The following TANC2 variants were observed in gnomAD, a reference collection of about 807,000 sequenced individuals.
TANC2 encodes protein TANC2.
In TANC2, 26 loss-of-function variants were observed where a neutral mutation model predicts 210.5. The ratio of observed to expected loss-of-function variants is 0.12; its 90% CI spans 0.09 to 0.17. TANC2 has a LOEUF of 0.17. Among genes scored for constraint, TANC2 ranks in the 10% least tolerant of loss-of-function variants. The probability of loss-of-function intolerance (pLI) is 1.00; values close to 1 mark genes in which losing one functional copy is unlikely to be tolerated. For synonymous variants in TANC2, 931 were observed against 967.1 expected, an observed-to-expected ratio of 0.96 and a Z score of 0.69; for missense variants, 2,129 against 2,608.9, an observed-to-expected ratio of 0.82 and a Z score of 4.01.
intron 2 of TANC2, among the ~76,000 whole-genome samples, chr17:63,027,194 A>G (rs934907861): frequency 1.3e-5 from 2 of 152,176 alleles, no homozygotes; most frequent in Non-Finnish European, 2.9e-5. Flanking sequence ...AAGTTAAACA[A>G]TTTAAACTGG....
intron 4 of TANC2, among the ~76,000 whole-genome samples, chr17:63,110,482 TCA>T (rs2037993558): frequency 6.6e-6 from 1 of 151,740 alleles, no homozygotes; most frequent in Admixed American, 6.5e-5. Flanking sequence ...ATCTATTTTC[TCA>T]CAGTTCTGGT....
chr17:63,052,576 A>G (rs1032022415), intron 2 of TANC2, among the ~76,000 whole-genome samples: 2 of 152,196 alleles, frequency 1.3e-5, no homozygotes, highest in Non-Finnish European at 2.9e-5. Flanking sequence ...GAATAGCTTG[A>G]TATAAGGGGT....
intron 5 of TANC2, among the ~76,000 whole-genome samples, chr17:63,180,077 C>T (rs2040728118): frequency 6.6e-6 from 1 of 151,570 alleles, no homozygotes; most frequent in African/African-American, 2.4e-5. Context: ...CCTGGGAGTT[C>T]GAGGCTGATC....
At chr17:63,385,193 T>A (rs1338574395) in intron 15 of TANC2, among the ~76,000 whole-genome samples, 1 of 152,248 alleles carries the variant, frequency 6.6e-6, no homozygotes, top group Non-Finnish European at 1.5e-5. Context: ...CTTTTTTTCC[T>A]TCAACCATCA....
At chr17:63,088,750 C>A (rs2037069594) in intron 3 of TANC2, 1 of 152,108 alleles carries the variant, frequency 6.6e-6, no homozygotes, top group Non-Finnish European at 1.5e-5. Flanking sequence ...GGTGTGAGAT[C>A]TCATGTAAGT....
At chr17:63,156,200 G>A (rs1177483453) in intron 5 of TANC2, among the ~76,000 whole-genome samples, 1 of 151,984 alleles carries the variant, frequency 6.6e-6, no homozygotes. Context: ...TATTGTGTTT[G>A]TATTCTGCTT....
chr17:63,020,590 A>T (rs1352410048), intron 2 of TANC2, among the ~76,000 whole-genome samples: 1 of 152,234 alleles, frequency 6.6e-6, no homozygotes, highest in African/African-American at 2.4e-5. Flanking sequence ...ATTAAGTACT[A>T]AGTATAGTAT....
At chr17:63,088,873 T>C (rs937676089) in intron 3 of TANC2, 1 of 152,166 alleles carries the variant, frequency 6.6e-6, no homozygotes, top group African/African-American at 2.4e-5. Flanking sequence ...CCGAAGGCTT[T>C]TGTAGAGTCT....
At chr17:63,382,082 G>A (rs560873540) in intron 15 of TANC2, among the ~76,000 whole-genome samples, 3 of 152,042 alleles carry the variant, frequency 2.0e-5, no homozygotes, top group African/African-American at 7.2e-5. Context: ...CTTTTCTCCC[G>A]TACTTCACAG....
intron 3 of TANC2, among the ~76,000 whole-genome samples, chr17:63,087,140 C>T (rs768192468): frequency 4.6e-5 from 7 of 152,322 alleles, no homozygotes; most frequent in Admixed American, 2.6e-4. Context: ...ACAAACCCAT[C>T]GGAAGGAACC....
chr17:63,200,355 C>CAAAAAAAAAAAAA (rs10598629), intron 6 of TANC2, among the ~76,000 whole-genome samples: 1 of 93,816 alleles, frequency 1.1e-5, no homozygotes, highest in Non-Finnish European at 2.1e-5. Flanking sequence ...AACTCTGTCT[C>CAAAAAAAAAAAAA]AAAAAAAAAA....
At chr17:63,417,723 A>C (rs1205225788) in intron 26 of TANC2, among the ~76,000 whole-genome samples, 1 of 152,156 alleles carries the variant, frequency 6.6e-6, no homozygotes, top group African/African-American at 2.4e-5. Context: ...TATGGATGAG[A>C]AAATACACTA....
At chr17:63,002,422 A>G (rs1000430100) in intron 1 of TANC2, among the ~76,000 whole-genome samples, 1 of 152,186 alleles carries the variant, frequency 6.6e-6, no homozygotes. Context: ...AATTCATCAC[A>G]TATCTGCCTC....
Position 63,162,303 on chromosome 17 carries a change from G to GAA in TANC2, c.433+10934_433+10935dup, listed in dbSNP as rs113042998. On this transcript the variant is annotated intron_variant, in intron 5 of 27. Transcript: ENST00000689528. ...TGGGTGAAGAACAAGACCCTGTCTGGAAAAAAAAAAAACAAAACTGAGGGT... is the reference window on the plus strand; with the variant it reads ...TGGGTGAAGAACAAGACCCTGTCTGGAAAAAAAAAAAAAACAAAACTGAGGGT... Among the ~76,000 whole-genome samples, 346 of 141,948 alleles carry GAA rather than the reference G, an allele frequency of 2.4e-3. 2 individuals are homozygous for GAA. The highest frequency in any genetic ancestry group is 4.7e-3 in the African/African-American group (182 of 38,824). The allele number at this position is 141,948 out of a possible 152,430, so 93.1% of individuals were successfully genotyped here.
chr17:63,208,557 T>G (rs2041792365), intron 7 of TANC2, among the ~76,000 whole-genome samples: 1 of 152,352 alleles, frequency 6.6e-6, no homozygotes, highest in East Asian at 1.9e-4. Context: ...GAAGAACCCC[T>G]TTTGAGATTT....
intron 4 of TANC2, among the ~76,000 whole-genome samples, chr17:63,112,766 A>G (rs1342331319): frequency 6.6e-6 from 1 of 152,198 alleles, no homozygotes; most frequent in African/African-American, 2.4e-5. Flanking sequence ...GAATCCTAAC[A>G]TGTGAAAAAG....
chr17:62,986,848 G>C (rs1324447135), intron 1 of TANC2, among the ~76,000 whole-genome samples: 2 of 152,106 alleles, frequency 1.3e-5, no homozygotes, highest in Admixed American at 6.5e-5. Flanking sequence ...GGCCTGCAGA[G>C]CTGTTCCTCA....
chr17:63,397,139 G>A (rs1289814683), intron 18 of TANC2, among the ~76,000 whole-genome samples: 1 of 152,058 alleles, frequency 6.6e-6, no homozygotes. Context: ...GTCAGGCGTG[G>A]CAGTAGGCAC....
chr17:63,200,837 G>C, exon 7 of TANC2: 1 of 1,613,754 alleles, frequency 6.2e-7, no homozygotes, highest in Non-Finnish European at 8.5e-7. Flanking sequence ...CTCTCCACCA[G>C]CCAGTAGCCC....
Sources: allele counts gnomAD v4.1 joint callset (sites outside exome capture counted in the v4.1 genomes callset), GRCh38; gene constraint gnomAD v4.1.1; transcripts MANE v1.5; gene names NCBI Gene and HGNC (gene_info 2026-07-23, HGNC 2026-07-21).